GDAP2: variants seen among roughly 807,000 people sequenced by gnomAD.
GDAP2 encodes the protein ganglioside-induced differentiation-associated protein 2.
In GDAP2, 51 loss-of-function variants were observed where a neutral mutation model predicts 67.0. The observed-to-expected ratio is 0.76, with a 90% confidence interval of 0.61 to 0.96. The LOEUF is 0.96. Among genes scored for constraint, GDAP2 ranks in the 40% least tolerant of loss-of-function variants. GDAP2 has a pLI of 0.00. For synonymous variants in GDAP2, 203 were observed against 207.3 expected (o/e 0.98, Z 0.18); for missense variants, 547 against 588.3 (o/e 0.93, Z 0.73).
At chr1:117,886,705 A>G (rs1648869344) in intron 9 of GDAP2, 52 bp from the exon 10 acceptor site, 1 of 909,706 alleles carries the variant, frequency 1.1e-6, no homozygotes, top group Non-Finnish European at 1.9e-6. Context: ...CAAGAATACT[A>G]TTTGTCTTGG....
chr1:117,882,250 A>G (rs1361842511), intron 11 of GDAP2, among the ~76,000 whole-genome samples: 1 of 152,102 alleles, frequency 6.6e-6, no homozygotes, highest in Non-Finnish European at 1.5e-5. Flanking sequence ...TTTTAAACTA[A>G]AAGTTTCAAT....
intron 1 of GDAP2, among the ~76,000 whole-genome samples, chr1:117,924,012 T>C (rs755778061): frequency 2.0e-5 from 3 of 152,232 alleles, no homozygotes; most frequent in Non-Finnish European, 2.9e-5. Context: ...GTTCAATAAG[T>C]TTCTCTGTTA....
chr1:117,878,119 A>C lies in GDAP2; in HGVS notation c.1336T>G (p.Ser446Ala). ...TGGTGGATTTTGTCCTTCAGTCCTG[A>C]GACAGAAAAGGTGGTAAAAAACCAT... ...STWFFTTFSV[S>A]GLKDKIHHVD... The change falls in exon 13 of 14, where the codon TCA becomes GCA. Residue 446 changes from serine (S) to alanine (A), a missense_variant. By Grantham distance (99) the Ser-to-Ala change is moderately conservative (BLOSUM62 1). Coordinates refer to ENST00000369443, the MANE Select transcript of GDAP2 (RefSeq NM_017686.4). 1 of 1,604,078 alleles carries C rather than the reference A, an allele frequency of 6.2e-7. No homozygotes were observed. Among genetic ancestry groups the C allele is most frequent in the East Asian group, 2.2e-5 (1 of 44,552 alleles).
intron 5 of GDAP2, among the ~76,000 whole-genome samples, chr1:117,908,828 AAAATAAAT>A (rs33997305): frequency 6.8e-6 from 1 of 148,070 alleles, no homozygotes; most frequent in Non-Finnish European, 1.5e-5. Flanking sequence ...CTATCTCAAA[AAAATAAAT>A]AAATAAATAA....
chr1:117,907,268 C>T (rs572666920), intron 5 of GDAP2, among the ~76,000 whole-genome samples: 1 of 152,268 alleles, frequency 6.6e-6, no homozygotes, highest in African/African-American at 2.4e-5. Context: ...AGGGTTCTGC[C>T]TTCAATATTT....
At chr1:117,881,702 A>G in intron 12 of GDAP2, 121 bp downstream of exon 12, 2 of 686,444 alleles carry the variant, frequency 2.9e-6, no homozygotes, top group Non-Finnish European at 5.3e-6. Context: ...TCACTTAGAA[A>G]CCAGGAAATT....
At chr1:117,928,603 A>G (rs570754374) in intron 1 of GDAP2, among the ~76,000 whole-genome samples, 1 of 152,240 alleles carries the variant, frequency 6.6e-6, no homozygotes, top group Non-Finnish European at 1.5e-5. Context: ...CCACAGTCTC[A>G]TCATACGCAT....
chr1:117,896,669 G>C, intron 8 of GDAP2, 164 bp downstream of exon 8: 1 of 469,380 alleles, frequency 2.1e-6, no homozygotes, highest in South Asian at 4.8e-5. Context: ...TCTTAACTTT[G>C]AGTTTTTGCA....
chr1:117,906,623 T>C (rs892085984), intron 5 of GDAP2, 41 bp from the exon 6 acceptor site: 2 of 1,043,248 alleles, frequency 1.9e-6, no homozygotes, highest in Admixed American at 2.1e-5. Flanking sequence ...AAATAAAAAA[T>C]TACTTATACA....
intron 4 of GDAP2, 28 bp downstream of exon 4, chr1:117,912,502 C>T (rs376207365): frequency 7.5e-6 from 12 of 1,595,050 alleles, no homozygotes; most frequent in Non-Finnish European, 1.0e-5. Context: ...GTATGATATG[C>T]TATGTCCAGA....
At position 117,867,947 on chromosome 1, in the gene GDAP2, T is replaced by C. The variant is rs1648132711; in HGVS notation, c.*2622A>G. ...ATCATATTATGCCTTGCATGATTAA[T>C]AAATTAATATTTTATAACTTGTGTC... On this transcript the variant is annotated 3_prime_UTR_variant, in exon 14 of 14. Coordinates refer to ENST00000369443, the MANE Select transcript of GDAP2 (RefSeq NM_017686.4). 1.3e-5 allele frequency: 2 copies of C among 152,234 alleles called. No homozygotes were observed. Among genetic ancestry groups the C allele is most frequent in the South Asian group, 4.1e-4 (2 of 4,832 alleles). The allele number at this position is 152,234 out of a possible 1,614,324, so 9.4% of individuals were successfully genotyped here.
chr1:117,909,697 T>G (rs1229663279), intron 5 of GDAP2, among the ~76,000 whole-genome samples: 2 of 152,206 alleles, frequency 1.3e-5, no homozygotes, highest in African/African-American at 4.8e-5. Flanking sequence ...GCTGTACATT[T>G]CCTTTTTGCT....
chr1:117,865,172 T>C lies in GDAP2; in HGVS notation c.*5397A>G, dbSNP rs966448183. The C allele has an allele frequency of 6.6e-6, 1 of 152,222 alleles. No individual in the cohort carries two copies. Among genetic ancestry groups the C allele is most frequent in the Non-Finnish European group, 1.5e-5 (1 of 68,038 alleles). The allele number at this position is 152,222 out of a possible 1,614,324, so 9.4% of individuals were successfully genotyped here. On this transcript the variant is annotated 3_prime_UTR_variant, in exon 14 of 14. Transcript: ENST00000369443. Reference sequence around the variant, plus strand: ...CCAGGTCTCCACAGAGAATGTTGACTAAAATTCACTGAGTTTTTAACTACT... The same window carrying C: ...CCAGGTCTCCACAGAGAATGTTGACCAAAATTCACTGAGTTTTTAACTACT...
intron 13 of GDAP2, among the ~76,000 whole-genome samples, chr1:117,875,869 T>C (rs1570963659): frequency 6.6e-6 from 1 of 152,186 alleles, no homozygotes; most frequent in Non-Finnish European, 1.5e-5. Flanking sequence ...TGTACAACCA[T>C]TATATCTTGG....
At chr1:117,925,899 T>C (rs1275003587) in intron 1 of GDAP2, among the ~76,000 whole-genome samples, 1 of 152,172 alleles carries the variant, frequency 6.6e-6, no homozygotes, top group East Asian at 1.9e-4. Context: ...GATTTGAGGG[T>C]ATATTCCACA....
chr1:117,922,052 T>C (rs1355457066), intron 1 of GDAP2, among the ~76,000 whole-genome samples: 1 of 152,082 alleles, frequency 6.6e-6, no homozygotes, highest in Non-Finnish European at 1.5e-5. Context: ...GGTTTTTTTT[T>C]CTTATGTCTT....
chr1:117,885,209 T>C (rs138664876), intron 10 of GDAP2, among the ~76,000 whole-genome samples: 4 of 152,168 alleles, frequency 2.6e-5, no homozygotes, highest in South Asian at 2.1e-4. Context: ...TCTTACCAGA[T>C]TGCTGCTTCA....
At chr1:117,924,739 C>A (rs1232087954) in intron 1 of GDAP2, among the ~76,000 whole-genome samples, 1 of 152,082 alleles carries the variant, frequency 6.6e-6, no homozygotes, top group Non-Finnish European at 1.5e-5. Context: ...ACTAAATACA[C>A]CTTTGAAATT....
At position 117,868,513 on chromosome 1, in the gene GDAP2, T is replaced by C. The variant is rs142502287; in HGVS notation, c.*2056A>G. 37 of 152,308 alleles carry C rather than the reference T, an allele frequency of 2.4e-4. No individual in the cohort carries two copies. The highest frequency in any genetic ancestry group is 4.0e-4 in the Non-Finnish European group (27 of 68,036). The allele number at this position is 152,308 out of a possible 1,614,324, so 9.4% of individuals were successfully genotyped here. On this transcript the variant is annotated 3_prime_UTR_variant, in exon 14 of 14. Coordinates refer to ENST00000369443, the MANE Select transcript of GDAP2 (RefSeq NM_017686.4). ...AAATCATTGCCTGTAAGAAATTGTA[T>C]ATATAAATTTGCTTCCTTTCAAATT...
Sources: allele counts gnomAD v4.1 joint callset (sites outside exome capture counted in the v4.1 genomes callset), GRCh38; gene constraint gnomAD v4.1.1; transcripts MANE v1.5; gene names NCBI Gene and HGNC (gene_info 2026-07-23, HGNC 2026-07-21).